LIMCH1: variants seen among roughly 807,000 people sequenced by gnomAD.
LIMCH1 encodes the protein LIM and calponin homology domains-containing protein 1.
In LIMCH1, 113 loss-of-function variants were observed where a neutral mutation model predicts 176.5. That is an observed-to-expected ratio of 0.64 (90% CI 0.55 to 0.75). The LOEUF (loss-of-function observed/expected upper bound fraction) is 0.75, where lower values mean the gene tolerates loss of function less well. Ranked by LOEUF, LIMCH1 falls within the 30% of genes least tolerant of loss-of-function variation. The pLI is 0.00. For synonymous variants in LIMCH1, 619 were observed against 645.9 expected (o/e 0.96, Z 0.63); for missense variants, 1,674 against 1,814.9 (o/e 0.92, Z 1.41).
intron 13 of LIMCH1, among the ~76,000 whole-genome samples, chr4:41,638,409 A>G (rs1173387161): frequency 1.3e-5 from 2 of 152,172 alleles, no homozygotes; most frequent in Non-Finnish European, 1.5e-5. Flanking sequence ...TTCTGGTTGG[A>G]GTTCTGGTTT....
intron 7 of LIMCH1, among the ~76,000 whole-genome samples, chr4:41,621,435 G>A (rs1649154986): frequency 6.6e-6 from 1 of 151,646 alleles, no homozygotes; most frequent in Non-Finnish European, 1.5e-5. Flanking sequence ...CAGCCAAAAT[G>A]TATTTTACAA....
chr4:41,687,823 C>A lies in LIMCH1; in HGVS notation c.4089-17C>A. 1 of 1,582,832 alleles carries A rather than the reference C, an allele frequency of 6.3e-7. No individual in the cohort carries two copies. The highest frequency in any genetic ancestry group is 8.7e-7 in the Non-Finnish European group (1 of 1,152,474). On this transcript the variant is annotated splice_polypyrimidine_tract_variant and intron_variant, in intron 28 of 31. Transcript: ENST00000503057. Reference sequence around the variant, plus strand: ...TCTTTGCTTGTCATAATTTTTGACTCCTTTACCACATTACAGGAAAAGTCC... The same window carrying A: ...TCTTTGCTTGTCATAATTTTTGACTACTTTACCACATTACAGGAAAAGTCC...
At chr4:41,423,952 T>C (rs1194926919) in intron 1 of LIMCH1, among the ~76,000 whole-genome samples, 2 of 152,122 alleles carry the variant, frequency 1.3e-5, no homozygotes, top group East Asian at 3.9e-4. Context: ...AATGAGTTAC[T>C]CTTTGCCCAT....
intron 1 of LIMCH1, among the ~76,000 whole-genome samples, chr4:41,587,060 G>A (rs1386661563): frequency 6.6e-6 from 1 of 152,202 alleles, no homozygotes; most frequent in Non-Finnish European, 1.5e-5. Flanking sequence ...CATCAAGACT[G>A]TTAACTTAAG....
chr4:41,478,150 T>C (rs2068028683), intron 1 of LIMCH1, among the ~76,000 whole-genome samples: 1 of 152,220 alleles, frequency 6.6e-6, no homozygotes, highest in Non-Finnish European at 1.5e-5. Context: ...CATTATAAAA[T>C]GTAACACAAG....
chr4:41,482,709 T>G (rs1353527379), intron 1 of LIMCH1, among the ~76,000 whole-genome samples: 2 of 152,228 alleles, frequency 1.3e-5, no homozygotes, highest in African/African-American at 4.8e-5. Flanking sequence ...ATTTTATTAT[T>G]GCTGCCAATA....
At position 41,646,291 on chromosome 4, in the gene LIMCH1, TC is replaced by T; in HGVS notation, c.2411+12del. ...AATTGTTCAAGAAAAGTGAGTTCTTTCTGTTGTCGTTTTTAATGTACAATAT... is the reference window on the plus strand; with the variant it reads ...AATTGTTCAAGAAAAGTGAGTTCTTTTGTTGTCGTTTTTAATGTACAATAT... On this transcript the variant is annotated intron_variant, in intron 16 of 31. Coordinates refer to ENST00000503057, the MANE Select transcript of LIMCH1 (RefSeq NM_001330672.2). 6.3e-7 allele frequency: 1 copy of T among 1,596,832 alleles called. No individual in the cohort carries two copies. Among genetic ancestry groups the T allele is most frequent in the Non-Finnish European group, 8.5e-7 (1 of 1,175,424 alleles).
At chr4:41,662,475 A>G (rs1048126137) in intron 19 of LIMCH1, among the ~76,000 whole-genome samples, 41 of 152,222 alleles carry the variant, frequency 2.7e-4, no homozygotes, top group African/African-American at 9.9e-4. Context: ...CTACCTGTAG[A>G]TGTTCTCTTA....
At chr4:41,419,933 C>G (rs945111713) in intron 1 of LIMCH1, among the ~76,000 whole-genome samples, 1 of 151,858 alleles carries the variant, frequency 6.6e-6, no homozygotes, top group Non-Finnish European at 1.5e-5. Context: ...CCTCAAGAAA[C>G]TGACATTTTG....
chr4:41,646,898 G>A lies in LIMCH1; in HGVS notation c.2820+5G>A. 6.2e-7 allele frequency: 1 copy of A among 1,607,870 alleles called. No homozygotes were observed. The highest frequency in any genetic ancestry group is 8.5e-7 in the Non-Finnish European group (1 of 1,175,010). ...GATGTTCTGAAGACCTTTAAGGTAG[G>A]ACAAGTTCCTTAAGAGTAGAACCAA... is the stretch of plus-strand genomic sequence containing the variant. On this transcript the variant is annotated splice_donor_5th_base_variant and intron_variant, in intron 17 of 31. Transcript: ENST00000503057.
intron 3 of LIMCH1, among the ~76,000 whole-genome samples, chr4:41,525,672 G>A (rs544100380): frequency 3.9e-5 from 6 of 151,982 alleles, no homozygotes; most frequent in African/African-American, 1.4e-4. Context: ...AGTTAATATC[G>A]AGATAGATAC....
At chr4:41,508,320 A>T (rs2074425740) in intron 2 of LIMCH1, among the ~76,000 whole-genome samples, 1 of 152,316 alleles carries the variant, frequency 6.6e-6, no homozygotes, top group African/African-American at 2.4e-5. Context: ...GACAAAAAAT[A>T]ATTTTGGTGT....
intron 1 of LIMCH1, among the ~76,000 whole-genome samples, chr4:41,582,166 A>G (rs188387719): frequency 6.6e-6 from 1 of 152,222 alleles, no homozygotes; most frequent in Non-Finnish European, 1.5e-5. Context: ...GTTGGTACAT[A>G]CATGAGTGTG....
chr4:41,452,621 C>T (rs566928225), intron 1 of LIMCH1, among the ~76,000 whole-genome samples: 68 of 152,198 alleles, frequency 4.5e-4, no homozygotes, highest in Non-Finnish European at 8.4e-4. Context: ...AGTCTGTAGA[C>T]TCTAAGAGGC....
At chr4:41,521,651 A>T (rs1364726604) in intron 2 of LIMCH1, among the ~76,000 whole-genome samples, 1 of 152,186 alleles carries the variant, frequency 6.6e-6, no homozygotes, top group Non-Finnish European at 1.5e-5. Context: ...GTTGAGTATT[A>T]TAAACAGAAC....
At chr4:41,534,587 A>G (rs925387591), upstream of LIMCH1, among the ~76,000 whole-genome samples, 1 of 152,218 alleles carries the variant, frequency 6.6e-6, no homozygotes, top group Admixed American at 6.5e-5. Flanking sequence ...TGTCTGGCAG[A>G]CTATTAGAAA....
intron 18 of LIMCH1, among the ~76,000 whole-genome samples, chr4:41,651,771 A>G (rs975657240): frequency 6.6e-6 from 1 of 152,260 alleles, no homozygotes; most frequent in Non-Finnish European, 1.5e-5. Flanking sequence ...TCAGAGTACT[A>G]TTGAATGGCA....
chr4:41,485,683 C>T (rs921468191), intron 1 of LIMCH1, among the ~76,000 whole-genome samples: 2 of 152,234 alleles, frequency 1.3e-5, no homozygotes, highest in African/African-American at 4.8e-5. Context: ...ATGTTGCTCA[C>T]CATTAGGGAA....
chr4:41,521,123 G>A (rs188160172), intron 2 of LIMCH1, among the ~76,000 whole-genome samples: 4 of 152,148 alleles, frequency 2.6e-5, no homozygotes, highest in South Asian at 4.1e-4. Context: ...TATTTAGGTC[G>A]TATTTGTTTG....
Sources: allele counts gnomAD v4.1 joint callset (sites outside exome capture counted in the v4.1 genomes callset), GRCh38; gene constraint gnomAD v4.1.1; transcripts MANE v1.5; gene names NCBI Gene and HGNC (gene_info 2026-07-23, HGNC 2026-07-21).